XPNPEP1: variants seen among roughly 807,000 people sequenced by gnomAD.
The protein encoded by XPNPEP1 is X-prolyl aminopeptidase 1.
XPNPEP1 carries 39 observed loss-of-function variants against 92.4 expected under a neutral mutation model. The ratio of observed to expected loss-of-function variants is 0.42; its 90% CI spans 0.33 to 0.55. The LOEUF (loss-of-function observed/expected upper bound fraction) is 0.55. XPNPEP1 is among the 20% of genes least tolerant of loss of function. XPNPEP1 has a pLI of 0.08. For missense variants in XPNPEP1, 654 were observed against 856.1 expected, an observed-to-expected ratio of 0.76 and a Z score of 2.95; for synonymous variants, 307 against 299.4, an observed-to-expected ratio of 1.03 and a Z score of -0.26.
chr10:109,915,431 T>C (rs1327963595), intron 1 of XPNPEP1, among the ~76,000 whole-genome samples: 1 of 152,244 alleles, frequency 6.6e-6, no homozygotes, highest in East Asian at 1.9e-4. Context: ...TCTTTCTTTA[T>C]GGTGTCCTAT....
At chr10:109,889,931 T>C (rs1464468282) in intron 5 of XPNPEP1, among the ~76,000 whole-genome samples, 1 of 152,236 alleles carries the variant, frequency 6.6e-6, no homozygotes, top group Non-Finnish European at 1.5e-5. Context: ...CCTATTTTTT[T>C]TCAAACCACT....
chr10:109,910,766 C>T (rs1849824528), intron 2 of XPNPEP1, among the ~76,000 whole-genome samples: 1 of 152,142 alleles, frequency 6.6e-6, no homozygotes, highest in Non-Finnish European at 1.5e-5. Context: ...CGTAAGATTC[C>T]AACTCATTTG....
chr10:109,884,105 T>C lies in XPNPEP1; in HGVS notation c.792A>G (p.Val264=), dbSNP rs748032134. ...LRGSDVEHNP[V]FFSYAIIGLE... ...GTCCTATGATTGCGTAGGAGAAAAA[T>C]ACTGGATTGTGCTCCACATCTGATC... The change falls in exon 9 of 21, where the codon GTA becomes GTG. Residue 264 remains valine, a synonymous_variant. Transcript: ENST00000502935. 1.2e-6 allele frequency: 2 copies of C among 1,613,864 alleles called. No homozygotes were observed. The highest frequency in any genetic ancestry group is 1.1e-5 in the South Asian group (1 of 91,062).
intron 11 of XPNPEP1, among the ~76,000 whole-genome samples, chr10:109,880,591 G>A (rs137951356): frequency 1.4e-5 from 2 of 140,634 alleles, no homozygotes; most frequent in African/African-American, 5.3e-5. Flanking sequence ...TTCTTCATCA[G>A]CATCACGTCA....
intron 20 of XPNPEP1, among the ~76,000 whole-genome samples, chr10:109,866,479 C>G (rs1847150916): frequency 6.6e-6 from 1 of 152,202 alleles, no homozygotes; most frequent in South Asian, 2.1e-4. Flanking sequence ...AGCCTACTGT[C>G]CAAAGCAGCT....
Position 109,867,584 on chromosome 10 carries a change from C to T in XPNPEP1, c.1872+1030G>A, listed in dbSNP as rs1847209494. Reference sequence around the variant, plus strand: ...TAGCTGGGAGAATCCCATTCCACAGCTCCTGTGGAAGGGAAGGTCCTTAAC... The same window carrying T: ...TAGCTGGGAGAATCCCATTCCACAGTTCCTGTGGAAGGGAAGGTCCTTAAC... On this transcript the variant is annotated intron_variant, in intron 20 of 20. Coordinates refer to ENST00000502935, the MANE Select transcript of XPNPEP1 (RefSeq NM_020383.4). This position sits in a 1 kb window ranked among gnomAD's most constrained non-coding sequence, Gnocchi z 4.5. Among the ~76,000 whole-genome samples, 2 of 152,226 alleles carry T rather than the reference C, an allele frequency of 1.3e-5. No individual in the cohort carries two copies. The highest frequency in any genetic ancestry group is 4.1e-4 in the South Asian group (2 of 4,832).
chr10:109,916,607 T>C (rs1334896755), intron 1 of XPNPEP1, among the ~76,000 whole-genome samples: 1 of 152,254 alleles, frequency 6.6e-6, no homozygotes, highest in Non-Finnish European at 1.5e-5. Flanking sequence ...TGCTTTCATA[T>C]GGCTGTGACT....
chr10:109,888,248 G>C (rs2273739), intron 6 of XPNPEP1, 56 bp from the exon 7 acceptor site: 463,409 of 1,581,796 alleles, frequency 0.29, 71,817 homozygotes, highest in Admixed American at 0.56. Flanking sequence ...CAGCAGGGCA[G>C]GGAGCAGGGC....
Position 109,923,466 on chromosome 10 carries a change from G to A in XPNPEP1, c.-33C>T, listed in dbSNP as rs779466209. The A allele has an allele frequency of 1.6e-5, 23 of 1,404,330 alleles. No homozygotes were observed. The South Asian group carries it at 2.2e-4, about 13-fold the overall frequency. 87.0% of individuals were successfully genotyped at this position (1,404,330 alleles called of 1,614,324 possible). ...TGACGTGCCCCAGCCCACGTCAGGG[G>A]AGCGCAGACCAGCTGATCACCCGCG... On this transcript the variant is annotated 5_prime_UTR_variant, in exon 1 of 21. Transcript: ENST00000502935.
intron 20 of XPNPEP1, 143 bp from the exon 21 acceptor site, chr10:109,865,455 GTAAGTATT>G (rs1203341535): frequency 8.9e-7 from 1 of 1,118,376 alleles, no homozygotes; most frequent in Non-Finnish European, 1.3e-6. Context: ...TTACTCACAG[GTAAGTATT>G]TTCCTTGTGT....
chr10:109,869,819 G>T, intron 19 of XPNPEP1, 134 bp downstream of exon 19: 1 of 824,598 alleles, frequency 1.2e-6, no homozygotes, highest in Non-Finnish European at 1.9e-6. Flanking sequence ...AAGACATTAA[G>T]TCTTCATCTT....
At chr10:109,911,762 C>A (rs2133549123) in intron 2 of XPNPEP1, among the ~76,000 whole-genome samples, 1 of 152,304 alleles carries the variant, frequency 6.6e-6, no homozygotes, top group South Asian at 2.1e-4. Flanking sequence ...ACAGCCTTGG[C>A]TTCAGGAGTT....
intron 3 of XPNPEP1, chr10:109,894,061 A>T (rs2133456198): frequency 6.6e-6 from 1 of 152,416 alleles, no homozygotes. Context: ...GCCTGAGTAC[A>T]GAGCTGCTGC....
intron 19 of XPNPEP1, 96 bp from the exon 20 acceptor site, chr10:109,868,808 G>A (rs960477792): frequency 2.6e-6 from 3 of 1,155,082 alleles, no homozygotes. Flanking sequence ...CTCAGAGCCA[G>A]GGGTAACTGG....
In XPNPEP1 at chr10:109,888,503, C is replaced by T. The variant is rs757816558; in HGVS notation, c.508G>A (p.Asp170Asn). 3 of 1,609,358 alleles carry T rather than the reference C, an allele frequency of 1.9e-6. No individual in the cohort carries two copies. Among genetic ancestry groups the T allele is most frequent in the South Asian group, 2.2e-5 (2 of 89,974 alleles). Reference protein sequence around the residue: ...VGVDPLIIPTDYWKKMAKVLR... With the variant: ...VGVDPLIIPTNYWKKMAKVLR... ...GCAGAAAGGGACCAAGCTCACTTAC[C>T]TGTAGGAATGATCAAGGGGTCCACA... Residue 170 changes from aspartate to asparagine, a missense_variant and splice_region_variant, in exon 6 of 21, where the codon GAT (aspartate) becomes AAT (asparagine). Transcript: ENST00000502935.
At chr10:109,870,609 A>G in intron 18 of XPNPEP1, 122 bp downstream of exon 18, 1 of 1,299,538 alleles carries the variant, frequency 7.7e-7, no homozygotes, top group South Asian at 1.5e-5. Flanking sequence ...TAATCAGAAA[A>G]GTTTGTTGGA....
chr10:109,868,249 C>T (rs944599511), intron 20 of XPNPEP1, among the ~76,000 whole-genome samples: 7 of 152,116 alleles, frequency 4.6e-5, no homozygotes, highest in Admixed American at 4.6e-4. Flanking sequence ...GAGGCCCCAC[C>T]ATCCATCTGG....
At chr10:109,882,687 G>C (rs1265012820) in intron 9 of XPNPEP1, 45 bp from the exon 10 acceptor site, 1 of 1,600,382 alleles carries the variant, frequency 6.2e-7, no homozygotes, top group Admixed American at 1.7e-5. Flanking sequence ...GAGGGAACAT[G>C]AGTGAGAGGT....
chr10:109,900,181 T>C (rs1849207144), intron 3 of XPNPEP1, among the ~76,000 whole-genome samples: 1 of 152,180 alleles, frequency 6.6e-6, no homozygotes, highest in Non-Finnish European at 1.5e-5. Context: ...TGTGGGTGTG[T>C]ATATTTGTGT....
Sources: allele counts gnomAD v4.1 joint callset (sites outside exome capture counted in the v4.1 genomes callset), GRCh38; gene constraint gnomAD v4.1.1; non-coding constraint Gnocchi (gnomAD v3.1); transcripts MANE v1.5; gene names NCBI Gene and HGNC (gene_info 2026-07-23, HGNC 2026-07-21).